The following PTPRR variants were observed in gnomAD, a reference collection of about 807,000 sequenced individuals.
The protein encoded by PTPRR is receptor-type tyrosine-protein phosphatase R.
Under a neutral mutation model 77.2 loss-of-function variants are expected in PTPRR, and 38 were observed. The ratio of observed to expected loss-of-function variants is 0.49; its 90% CI spans 0.38 to 0.65. The LOEUF (loss-of-function observed/expected upper bound fraction) is 0.65, where lower values mean the gene tolerates loss of function less well. PTPRR is among the 30% of genes least tolerant of loss of function. The pLI is 0.00. For missense variants in PTPRR, 744 were observed against 799.2 expected (o/e 0.93, Z 0.83); for synonymous variants, 299 against 283.1 (o/e 1.06, Z -0.57).
chr12:70,885,904 A>C (rs1466276753), intron 2 of PTPRR, among the ~76,000 whole-genome samples: 1 of 152,208 alleles, frequency 6.6e-6, no homozygotes. Flanking sequence ...ATGAAAATGC[A>C]TAATTTTTGG....
intron 2 of PTPRR, among the ~76,000 whole-genome samples, chr12:70,850,584 A>G (rs577724720): frequency 2.6e-5 from 4 of 152,264 alleles, no homozygotes; most frequent in South Asian, 4.1e-4. Context: ...TTTATTCTTT[A>G]TATCCTGAAT....
chr12:70,896,474 A>G (rs1246593273), intron 1 of PTPRR, among the ~76,000 whole-genome samples: 1 of 151,696 alleles, frequency 6.6e-6, no homozygotes, highest in Non-Finnish European at 1.5e-5. Context: ...CAGATCATAT[A>G]CTGGGCCATA....
At chr12:70,896,082 G>C (rs965866329) in intron 1 of PTPRR, among the ~76,000 whole-genome samples, 10 of 151,530 alleles carry the variant, frequency 6.6e-5, no homozygotes, top group Admixed American at 5.9e-4. Flanking sequence ...AAGAAACCTG[G>C]AGTGACTATA....
At chr12:70,874,247 C>T (rs1435998262) in intron 2 of PTPRR, among the ~76,000 whole-genome samples, 1 of 152,100 alleles carries the variant, frequency 6.6e-6, no homozygotes, top group Non-Finnish European at 1.5e-5. Flanking sequence ...AAAAAGTCCC[C>T]TGATTTTAAT....
intron 2 of PTPRR, among the ~76,000 whole-genome samples, chr12:70,886,387 C>T (rs1893240283): frequency 6.6e-6 from 1 of 152,194 alleles, no homozygotes; most frequent in Non-Finnish European, 1.5e-5. Context: ...AAGAGCAGAA[C>T]AAAAGTTCAA....
At chr12:70,838,674 G>A (rs9971806) in intron 2 of PTPRR, among the ~76,000 whole-genome samples, 2,804 of 152,256 alleles carry the variant, frequency 0.018, 37 homozygotes, top group Middle Eastern at 0.034. Flanking sequence ...AAGATTATAA[G>A]CTGGTAGCAA....
chr12:70,812,310 C>A (rs185450271), intron 2 of PTPRR, among the ~76,000 whole-genome samples: 165 of 152,260 alleles, frequency 1.1e-3, no homozygotes, highest in Non-Finnish European at 1.7e-3. Flanking sequence ...TTAACATGGG[C>A]AGCCACGTGA....
intron 4 of PTPRR, among the ~76,000 whole-genome samples, chr12:70,757,682 G>A (rs17108716): frequency 0.02 from 3,071 of 152,174 alleles, 56 homozygotes; most frequent in South Asian, 0.082. Flanking sequence ...AGTAATTAAC[G>A]TAAGTTTAGG....
At chr12:70,657,092 T>G (rs912324698) in intron 12 of PTPRR, among the ~76,000 whole-genome samples, 1 of 152,268 alleles carries the variant, frequency 6.6e-6, no homozygotes, top group African/African-American at 2.4e-5. Context: ...AATTAAGGTC[T>G]GCACTTAGGC....
At chr12:70,672,307 G>C (rs1362274290) in intron 10 of PTPRR, 1 of 1,582,008 alleles carries the variant, frequency 6.3e-7, no homozygotes, top group Non-Finnish European at 8.7e-7. Context: ...CCACGGAACC[G>C]ATCAACTTCA....
intron 2 of PTPRR, among the ~76,000 whole-genome samples, chr12:70,885,621 G>A (rs1456297356): frequency 6.8e-6 from 1 of 146,842 alleles, no homozygotes; most frequent in Non-Finnish European, 1.5e-5. Flanking sequence ...TGCAAGCTCT[G>A]CCTCCTGGGT....
chr12:70,651,342 C>T (rs1167373047), intron 13 of PTPRR, among the ~76,000 whole-genome samples: 1 of 152,198 alleles, frequency 6.6e-6, no homozygotes, highest in Non-Finnish European at 1.5e-5. Flanking sequence ...TGCCATCTCC[C>T]ATCTCCAGAT....
At position 70,684,217 on chromosome 12, in the gene PTPRR, C is replaced by A. The variant is rs752940190; in HGVS notation, c.1407G>T (p.Met469Ile). 1.3e-5 allele frequency: 21 copies of A among 1,613,934 alleles called. No individual in the cohort carries two copies. The highest frequency in any genetic ancestry group is 1.8e-5 in the Non-Finnish European group (21 of 1,179,978). Reference protein sequence around the residue: ...EKAFIATQGPMINTVDDFWQM... With the variant: ...EKAFIATQGPIINTVDDFWQM... ...GCCAGAAATCATCCACGGTGTTGAT[C>A]ATGGGGCCCTGCGTGGCAATGAAGG... is the stretch of plus-strand genomic sequence containing the variant. Residue 469 changes from methionine (M) to isoleucine (I), a missense_variant, in exon 10 of 14, where the codon ATG (methionine) becomes ATT (isoleucine). Around this residue, in one of 3 missense-constraint regions of PTPRR, gnomAD observed 570 missense variants for 573.2 expected, o/e 0.99. Transcript: ENST00000283228.
intron 8 of PTPRR, among the ~76,000 whole-genome samples, chr12:70,688,554 G>A (rs1369602053): frequency 6.6e-6 from 1 of 152,158 alleles, no homozygotes; most frequent in Non-Finnish European, 1.5e-5. Context: ...TGTTGGCAAG[G>A]TTGTGAAGAA....
intron 2 of PTPRR, among the ~76,000 whole-genome samples, chr12:70,771,345 T>C (rs1036222122): frequency 2.6e-5 from 4 of 151,856 alleles, no homozygotes; most frequent in Non-Finnish European, 5.9e-5. Flanking sequence ...GAGCTGAACA[T>C]TGAGTACCCA....
intron 13 of PTPRR, among the ~76,000 whole-genome samples, chr12:70,653,203 A>G (rs560828842): frequency 8.4e-4 from 128 of 152,266 alleles, no homozygotes; most frequent in African/African-American, 3.0e-3. Flanking sequence ...TCAATGTGGG[A>G]GCAGCTCTGG....
chr12:70,913,822 AATTT>A (rs1303250991), intron 1 of PTPRR, among the ~76,000 whole-genome samples: 2 of 152,186 alleles, frequency 1.3e-5, no homozygotes, highest in African/African-American at 2.4e-5. Flanking sequence ...AATGTAAATT[AATTT>A]ATCACAATTC....
At chr12:70,808,432 TA>T (rs1891750044) in intron 2 of PTPRR, among the ~76,000 whole-genome samples, 1 of 152,074 alleles carries the variant, frequency 6.6e-6, no homozygotes, top group Non-Finnish European at 1.5e-5. Context: ...AAATTGCTAA[TA>T]AAAACTTGCT....
At chr12:70,744,586 C>G (rs1592725450) in intron 6 of PTPRR, among the ~76,000 whole-genome samples, 1 of 152,124 alleles carries the variant, frequency 6.6e-6, no homozygotes, top group Non-Finnish European at 1.5e-5. Context: ...ATTTTGTATT[C>G]TGCAGTTCTT....
Sources: allele counts gnomAD v4.1 joint callset (sites outside exome capture counted in the v4.1 genomes callset), GRCh38; gene constraint gnomAD v4.1.1; regional missense constraint gnomAD v4.1.1; transcripts MANE v1.5; gene names NCBI Gene and HGNC (gene_info 2026-07-23, HGNC 2026-07-21).